AP1G1: variants seen among roughly 807,000 people sequenced by gnomAD.
AP1G1 encodes the protein AP-1 complex subunit gamma-1.
Under a neutral mutation model 108.3 loss-of-function variants are expected in AP1G1, and 7 were observed. The observed-to-expected ratio is 0.06, with a 90% CI of 0.04 to 0.12. The LOEUF is 0.12. Among genes scored for constraint, AP1G1 ranks in the 10% least tolerant of loss-of-function variants. The pLI is 1.00. For missense variants in AP1G1, 756 were observed against 1,010.7 expected, an observed-to-expected ratio of 0.75 and a Z score of 3.42; for synonymous variants, 379 against 353.5, an observed-to-expected ratio of 1.07 and a Z score of -0.81.
intron 19 of AP1G1, among the ~76,000 whole-genome samples, chr16:71,743,895 G>A (rs546580684): frequency 3.5e-5 from 5 of 143,740 alleles, no homozygotes; most frequent in East Asian, 2.0e-4. Flanking sequence ...GCAGTGAGCC[G>A]AGATCATGCT....
intron 2 of AP1G1, chr16:71,777,758 C>T (rs958913407): frequency 6.7e-6 from 3 of 447,850 alleles, no homozygotes; most frequent in African/African-American, 2.0e-5. Context: ...CTCTTTCTGG[C>T]TTGCCTCCTC....
At position 71,738,960 on chromosome 16, in the gene AP1G1, G is replaced by A. The variant is rs1466332540; in HGVS notation, c.2250C>T (p.Phe750=). 12 of 1,613,864 alleles carry A rather than the reference G, an allele frequency of 7.4e-6. No homozygotes were observed. Among genetic ancestry groups the A allele is most frequent in the Admixed American group, 3.3e-5 (2 of 59,992 alleles). Residue 750 remains phenylalanine (F), a synonymous_variant, in exon 21 of 23, where the codon TTC becomes TTT. Coordinates refer to ENST00000299980, the MANE Select transcript of AP1G1 (RefSeq NM_001128.6). The stretch of plus-strand genomic sequence containing the variant: ...GTAGTACCTTTGGTACTGCAGCTTG[G>A]AAAACAAAGTCCGTCATATCTAGCT... ...STELDMTDFV[F]QAAVPKTFQL...
At chr16:71,763,213 A>T (rs1462609244) in intron 9 of AP1G1, among the ~76,000 whole-genome samples, 1 of 152,212 alleles carries the variant, frequency 6.6e-6, no homozygotes, top group Non-Finnish European at 1.5e-5. Context: ...AACAAAAAAG[A>T]AGTGAAGTGT....
intron 14 of AP1G1, 82 bp downstream of exon 14, chr16:71,750,128 A>G: frequency 6.5e-7 from 1 of 1,545,324 alleles, no homozygotes; most frequent in East Asian, 2.3e-5. Flanking sequence ...GGGAGAGAGG[A>G]GGGGGGAAAA....
intron 1 of AP1G1, chr16:71,808,366 G>T (rs780421735): frequency 3.4e-6 from 3 of 876,128 alleles, no homozygotes; most frequent in African/African-American, 3.6e-5. Flanking sequence ...CCTGACACGG[G>T]TACAAGACAC....
chr16:71,777,106 CAAAAAAAAAAAAAAAA>C (rs57955419), intron 2 of AP1G1, among the ~76,000 whole-genome samples: 7 of 48,064 alleles, frequency 1.5e-4, no homozygotes, highest in South Asian at 1.3e-3. Context: ...CAAACTGTTA[CAAAAAAAAAAAAAAAA>C]AAAAAAAAAA....
At chr16:71,773,029 CATTT>C (rs1251711266) in intron 4 of AP1G1, 188 bp downstream of exon 4, 1 of 720,550 alleles carries the variant, frequency 1.4e-6, no homozygotes, top group East Asian at 2.9e-5. Flanking sequence ...TATCCAGTAA[CATTT>C]GTTTGTTTAT....
intron 21 of AP1G1, among the ~76,000 whole-genome samples, chr16:71,735,692 G>T (rs913990694): frequency 3.3e-5 from 5 of 151,930 alleles, no homozygotes; most frequent in Non-Finnish European, 7.4e-5. Context: ...GGCAAGCTAG[G>T]TAAACCATAC....
intron 3 of AP1G1, among the ~76,000 whole-genome samples, chr16:71,773,684 T>A (rs1289908331): frequency 6.6e-6 from 1 of 152,138 alleles, no homozygotes; most frequent in Admixed American, 6.5e-5. Context: ...GGTTCACACC[T>A]GTAATCCTAG....
chr16:71,805,014 C>T (rs145696129), intron 1 of AP1G1, among the ~76,000 whole-genome samples: 1 of 150,518 alleles, frequency 6.6e-6, no homozygotes, highest in Admixed American at 6.6e-5. Context: ...CTGTCTCAAT[C>T]AATCAATCAA....
intron 19 of AP1G1, chr16:71,742,407 T>G (rs568445435): frequency 1.3e-3 from 202 of 152,256 alleles, no homozygotes; most frequent in African/African-American, 4.2e-3. Context: ...TAGGGCTTTT[T>G]AAAATGATAA....
At chr16:71,787,393 C>T (rs1184306167) in intron 2 of AP1G1, among the ~76,000 whole-genome samples, 2 of 150,982 alleles carry the variant, frequency 1.3e-5, no homozygotes, top group Non-Finnish European at 2.9e-5. Flanking sequence ...ACTCGAGAGG[C>T]TGAGGTAGGA....
chr16:71,735,602 G>C (rs986371228), intron 21 of AP1G1, among the ~76,000 whole-genome samples: 2 of 150,886 alleles, frequency 1.3e-5, no homozygotes, highest in African/African-American at 4.9e-5. Flanking sequence ...GTTGTGGTGA[G>C]CCGAGACTGT....
chr16:71,761,754 G>C (rs2031096303), intron 9 of AP1G1, among the ~76,000 whole-genome samples, 187 bp from the exon 10 acceptor site: 1 of 146,506 alleles, frequency 6.8e-6, no homozygotes, highest in Non-Finnish European at 1.5e-5. Context: ...TGGATCGCCA[G>C]GTCAGTGAGT....
intron 10 of AP1G1, among the ~76,000 whole-genome samples, chr16:71,760,665 C>T (rs1462465649): frequency 3.9e-5 from 6 of 152,104 alleles, no homozygotes; most frequent in Admixed American, 3.9e-4. Flanking sequence ...CCACCTCAGC[C>T]TCCTGAGTAG....
intron 11 of AP1G1, among the ~76,000 whole-genome samples, chr16:71,756,951 C>T (rs531678155): frequency 2.1e-5 from 3 of 142,988 alleles, no homozygotes; most frequent in Non-Finnish European, 3.1e-5. Context: ...AAAAAAAATT[C>T]AAAGGGAAAA....
chr16:71,783,792 T>C lies in AP1G1; in HGVS notation c.201+5487A>G, dbSNP rs368994581. The stretch of plus-strand genomic sequence containing the variant: ...ATCTTACTATGTTTCTAAGAGAAAC[T>C]AGAAGTCCAGATTTCTATGGAAATT... On this transcript the variant is annotated intron_variant, in intron 2 of 22. Transcript: ENST00000299980. 3.3e-4 allele frequency among the ~76,000 whole-genome samples: 51 copies of C among 152,294 alleles called. 2 individuals are homozygous for C. The East Asian group carries it at 8.9e-3, about 26-fold the overall frequency.
At position 71,780,988 on chromosome 16, in the gene AP1G1, T is replaced by A. The variant is rs547463568; in HGVS notation, c.202-6396A>T. ...ATGAGCCACTGTACCCTACCCTAACTTTTTACTTTTGTAGAGATGAGGTCT... is the reference window on the plus strand; with the variant it reads ...ATGAGCCACTGTACCCTACCCTAACATTTTACTTTTGTAGAGATGAGGTCT... On this transcript the variant is annotated intron_variant, in intron 2 of 22. Coordinates refer to ENST00000299980, the MANE Select transcript of AP1G1 (RefSeq NM_001128.6). 8.5e-5 allele frequency among the ~76,000 whole-genome samples: 13 copies of A among 152,228 alleles called. No homozygotes were observed. The East Asian group carries it at 2.5e-3, about 29-fold the overall frequency.
At chr16:71,789,922 T>C (rs923829498) in intron 1 of AP1G1, among the ~76,000 whole-genome samples, 1 of 152,164 alleles carries the variant, frequency 6.6e-6, no homozygotes, top group African/African-American at 2.4e-5. Flanking sequence ...GTCACAATCA[T>C]AGCTCAACTC....
Sources: gnomAD v4.1 joint callset for allele counts (sites outside exome capture counted in the v4.1 genomes callset) on GRCh38, gnomAD v4.1.1 for gene constraint, MANE v1.5 for transcripts, NCBI Gene and HGNC (gene_info 2026-07-23, HGNC 2026-07-21) for gene names.